Variants in CEL observed in about 807,000 individuals in gnomAD.
CEL encodes the protein bile salt-activated lipase.
A neutral mutation model predicts 57.1 loss-of-function variants in CEL; 39 were observed. The ratio of observed to expected loss-of-function variants is 0.68; its 90% CI spans 0.53 to 0.89. The LOEUF (loss-of-function observed/expected upper bound fraction) is 0.89. Among genes scored for constraint, CEL ranks in the 40% least tolerant of loss-of-function variants. The pLI is 0.00. For missense variants in CEL, 698 were observed against 915.0 expected (o/e 0.76, Z 3.06); for synonymous variants, 314 against 396.6 (o/e 0.79, Z 2.48).
intron 7 of CEL, among the ~76,000 whole-genome samples, chr9:133,068,332 C>G (rs1830212820): frequency 6.6e-6 from 1 of 152,094 alleles, no homozygotes; most frequent in Non-Finnish European, 1.5e-5. Flanking sequence ...TCAGGCCCAG[C>G]AAAGAGAGAG....
chr9:133,066,658 C>T lies in CEL; in HGVS notation c.667C>T (p.Gln223Ter). The change falls in exon 5 of 11, where the codon CAG becomes TAG. Residue 223 changes from glutamine (Q) to a stop codon, truncating the protein, a stop_gained and splice_region_variant. Transcript: ENST00000372080. LOFTEE classifies it high-confidence loss of function. The surrounding 1 kb of genome is among the most constrained non-coding windows in gnomAD (Gnocchi z 4.3). ...ESAGGASVSL[Q>*]TLSPYNKGLI... ...TGCTGGAGGTGCCAGCGTCTCTCTG[C>T]AGGTCTCGGGATCCCTGTGGGGAGG... is the stretch of plus-strand genomic sequence containing the variant. The T allele has an allele frequency of 6.2e-7, 1 of 1,613,184 alleles. No individual in the cohort carries two copies. The highest frequency in any genetic ancestry group is 8.5e-7 in the Non-Finnish European group (1 of 1,179,632).
Position 133,071,853 on chromosome 9 carries a change from A to G in CEL, c.*89A>G. 3 of 1,231,100 alleles carry G rather than the reference A, an allele frequency of 2.4e-6. No homozygotes were observed. In the South Asian group the frequency reaches 3.7e-5, roughly 15 times the overall value. The allele number at this position is 1,231,100 out of a possible 1,614,324, so 76.3% of individuals were successfully genotyped here. ...TTGAGCTCTTCCTGAATAAAGCCTC[A>G]TACCCCTGTCGGTGTCTTTCTTTGC... is the stretch of plus-strand genomic sequence containing the variant. On this transcript the variant is annotated 3_prime_UTR_variant, in exon 11 of 11. Coordinates refer to ENST00000372080, the MANE Select transcript of CEL (RefSeq NM_001807.6).
At position 133,067,166 on chromosome 9, in the gene CEL, C is replaced by A; in HGVS notation, c.856C>A (p.Leu286Met). 1 of 1,614,040 alleles carries A rather than the reference C, an allele frequency of 6.2e-7. No individual in the cohort carries two copies. Among genetic ancestry groups the A allele is most frequent in the Non-Finnish European group, 8.5e-7 (1 of 1,179,974 alleles). Residue 286 changes from leucine to methionine, a missense_variant, in exon 7 of 11, where the codon CTG becomes ATG. Physicochemically the swap from Leu to Met is conservative, Grantham distance 15. Transcript: ENST00000372080. ...QCLKVTDPRA[L>M]TLAYKVPLAG... ...TCTGAAGGTTACTGATCCCCGAGCC[C>A]TGACGCTGGCCTATAAGGTGCCGCT...
At position 133,066,388 on chromosome 9, in the gene CEL, G is replaced by A. The variant is rs1258230024; in HGVS notation, c.539-142G>A. On this transcript the variant is annotated intron_variant, in intron 4 of 10. Transcript: ENST00000372080. This position sits in a 1 kb window ranked among gnomAD's most constrained non-coding sequence, Gnocchi z 4.3. ...ACCCTACCCGACCCAGCTTCTTAGGGACCCACCATTTGCCAACTGGGGCTC... is the reference window on the plus strand; with the variant it reads ...ACCCTACCCGACCCAGCTTCTTAGGAACCCACCATTTGCCAACTGGGGCTC... 5 of 995,730 alleles carry A rather than the reference G, an allele frequency of 5.0e-6. No homozygotes were observed. The highest frequency in any genetic ancestry group is 1.6e-5 in the African/African-American group (1 of 62,484). 61.7% of individuals were successfully genotyped at this position (995,730 alleles called of 1,614,324 possible). A position where few individuals can be genotyped will look rare whatever the true frequency, so the allele number is the denominator to read the frequency against.
chr9:133,070,641 C>A lies in CEL; in HGVS notation c.1467C>A (p.Thr489=), dbSNP rs371093055. ...TVSKAMIAYW[T]NFAKTGDPNM... ...CTAAGGCCATGATCGCCTACTGGAC[C>A]AACTTTGCCAAAACAGGGTAAGACG... The change falls in exon 10 of 11, where the codon ACC becomes ACA. Residue 489 remains threonine, a synonymous_variant. Transcript: ENST00000372080. 1.9e-5 allele frequency: 30 copies of A among 1,614,198 alleles called. No homozygotes were observed. The highest frequency in any genetic ancestry group is 1.6e-4 in the East Asian group (7 of 44,878).
At position 133,064,748 on chromosome 9, in the gene CEL, A is replaced by G. The variant is rs762653902; in HGVS notation, c.326A>G (p.Gln109Arg). The G allele has an allele frequency of 6.2e-7, 1 of 1,614,058 alleles. No homozygotes were observed. Among genetic ancestry groups the G allele is most frequent in the South Asian group, 1.1e-5 (1 of 91,088 alleles). Residue 109 changes from glutamine to arginine, a missense_variant, in exon 3 of 11, where the codon CAG becomes CGG. By Grantham distance (43) the Gln-to-Arg change is conservative. This residue lies in a region of CEL where 327 missense variants were observed against 374.1 expected (regional missense o/e 0.87). Coordinates refer to ENST00000372080, the MANE Select transcript of CEL (RefSeq NM_001807.6). ...CTGTACCTCAACATTTGGGTGCCCCAGGGCAGGAAGCAAGGTCTGCCTCCC... is the reference window on the plus strand; with the variant it reads ...CTGTACCTCAACATTTGGGTGCCCCGGGGCAGGAAGCAAGGTCTGCCTCCC... The part of the protein sequence containing the change: ...DCLYLNIWVP[Q>R]GRKQVSRDLP...
Position 133,066,974 on chromosome 9 carries a change from G to C in CEL, c.777+29G>C. The C allele has an allele frequency of 1.3e-6, 2 of 1,551,082 alleles. No homozygotes were observed. Among genetic ancestry groups the C allele is most frequent in the Non-Finnish European group, 1.8e-6 (2 of 1,122,904 alleles). ...AACGGAGGAGGGCAGGGCTGGGCGG[G>C]GTGGGGGCTGTCCACATTTCCGTTC... is the stretch of plus-strand genomic sequence containing the variant. On this transcript the variant is annotated intron_variant, in intron 6 of 10. Coordinates refer to ENST00000372080, the MANE Select transcript of CEL (RefSeq NM_001807.6). This position sits in a 1 kb window ranked among gnomAD's most constrained non-coding sequence, Gnocchi z 4.3.
Position 133,069,118 on chromosome 9 carries a change from C to CATCAAAGGTCGTCTT in CEL, c.1145_1146insATCAAAGGTCGTCTT (p.Thr382_Thr383insSerLysValValLeu). 1 of 1,216,536 alleles carries CATCAAAGGTCGTCTT rather than the reference C, an allele frequency of 8.2e-7. No individual in the cohort carries two copies. The highest frequency in any genetic ancestry group is 1.2e-6 in the Non-Finnish European group (1 of 842,536). The allele number at this position is 1,216,536 out of a possible 1,614,324, so 75.4% of individuals were successfully genotyped here. A position where few individuals can be genotyped will look rare whatever the true frequency, so the allele number is the denominator to read the frequency against. ...ACCAAGGGGCTCAGAGGCGCCAAGA[C>CATCAAAGGTCGTCTT]GACCTTTGATGTCTACACCGAGTCC... On this transcript the variant is annotated inframe_insertion, in exon 9 of 11. Coordinates refer to ENST00000372080, the MANE Select transcript of CEL (RefSeq NM_001807.6).
At chr9:133,065,750 G>T (rs1333449128) in intron 4 of CEL, among the ~76,000 whole-genome samples, 1 of 151,496 alleles carries the variant, frequency 6.6e-6, no homozygotes, top group Admixed American at 6.6e-5. Context: ...GGAGGCTGAG[G>T]CAGGAGAATC....
In CEL at chr9:133,070,966, C is replaced by T. The variant is rs767152485; in HGVS notation, c.1485-21C>T. On this transcript the variant is annotated intron_variant, in intron 10 of 10. Coordinates refer to ENST00000372080, the MANE Select transcript of CEL (RefSeq NM_001807.6). Reference sequence around the variant, plus strand: ...CCCCTGGGAGTCCCCAGCCCCTGCACAGCCTCTTCTCACTCTGCAGGGACC... The same window carrying T: ...CCCCTGGGAGTCCCCAGCCCCTGCATAGCCTCTTCTCACTCTGCAGGGACC... 4.3e-6 allele frequency: 7 copies of T among 1,612,584 alleles called. No individual in the cohort carries two copies. In the South Asian group the frequency reaches 6.6e-5, roughly 15 times the overall value.
At position 133,066,987 on chromosome 9, in the gene CEL, C is replaced by T. The variant is rs1224823479; in HGVS notation, c.777+42C>T. The T allele has an allele frequency of 6.2e-7, 1 of 1,601,750 alleles. No homozygotes were observed. The highest frequency in any genetic ancestry group is 8.6e-7 in the Non-Finnish European group (1 of 1,168,976). On this transcript the variant is annotated intron_variant, in intron 6 of 10. Coordinates refer to ENST00000372080, the MANE Select transcript of CEL (RefSeq NM_001807.6). The surrounding 1 kb of genome is among the most constrained non-coding windows in gnomAD (Gnocchi z 4.3). ...AGGGCTGGGCGGGGTGGGGGCTGTC[C>T]ACATTTCCGTTCTTTATCCTGGACC...
chr9:133,065,224 C>T lies in CEL; in HGVS notation c.525C>T (p.Asp175=), dbSNP rs781550896. ...CCCTTGGGTTCCTCAGCACTGGGGA[C>T]GCCAATCTGCCAGGTGCGTGGGTGC... is the stretch of plus-strand genomic sequence containing the variant. ...VGPLGFLSTG[D]ANLPGNYGLR... The change falls in exon 4 of 11, where the codon GAC becomes GAT. Residue 175 remains aspartate, a synonymous_variant. Transcript: ENST00000372080. The T allele has an allele frequency of 1.1e-5, 17 of 1,613,042 alleles. No homozygotes were observed. Among genetic ancestry groups the T allele is most frequent in the African/African-American group, 5.3e-5 (4 of 74,926 alleles).
rs777569952 is a variant in CEL at position 133,071,238 on chromosome 9, C to T, written c.1736C>T (p.Thr579Ile). 6.3e-7 allele frequency: 1 copy of T among 1,585,618 alleles called. No homozygotes were observed. The highest frequency in any genetic ancestry group is 1.2e-5 in the South Asian group (1 of 86,618). The change falls in exon 11 of 11, where the codon ACC becomes ATC. Residue 579 changes from threonine to isoleucine, a missense_variant. Thr to Ile is a moderately conservative substitution (Grantham distance 89). Coordinates refer to ENST00000372080, the MANE Select transcript of CEL (RefSeq NM_001807.6). Reference protein sequence around the residue: ...TPVPPTGDSETAPVPPTGDSG... With the variant: ...TPVPPTGDSEIAPVPPTGDSG... The stretch of plus-strand genomic sequence containing the variant: ...GTGCCCCCCACGGGTGACTCCGAGA[C>T]CGCCCCCGTGCCGCCCACGGGTGAC...
At position 133,070,950 on chromosome 9, in the gene CEL, G is replaced by A. The variant is rs1346859438; in HGVS notation, c.1485-37G>A. 7 of 1,609,512 alleles carry A rather than the reference G, an allele frequency of 4.3e-6. 1 individual carries two copies. The East Asian group carries it at 1.3e-4, about 31-fold the overall frequency. The stretch of plus-strand genomic sequence containing the variant: ...AGAGCAGGGCTTCAGCCCCCTGGGA[G>A]TCCCCAGCCCCTGCACAGCCTCTTC... On this transcript the variant is annotated intron_variant, in intron 10 of 10. Coordinates refer to ENST00000372080, the MANE Select transcript of CEL (RefSeq NM_001807.6).
In CEL at chr9:133,071,492, G is replaced by A. The variant is rs1489599787; in HGVS notation, c.1990G>A (p.Asp664Asn). The change falls in exon 11 of 11, where the codon GAC (aspartate) becomes AAC (asparagine). Residue 664 changes from aspartate (D) to asparagine (N), a missense_variant. Physicochemically the swap from Asp to Asn is conservative, Grantham distance 23 (BLOSUM62 1). Transcript: ENST00000372080. ...SGAPPVPPTG[D>N]SGAPPVPPTG... ...GGCCCCCCCCGTGCCGCCCACGGGTGACTCCGGCGCCCCCCCCGTGCCGCC... is the reference window on the plus strand; with the variant it reads ...GGCCCCCCCCGTGCCGCCCACGGGTAACTCCGGCGCCCCCCCCGTGCCGCC... The A allele has an allele frequency of 1.0e-5, 6 of 599,344 alleles. No individual in the cohort carries two copies. Among genetic ancestry groups the A allele is most frequent in the South Asian group, 9.0e-5 (3 of 33,452 alleles). The allele number at this position is 599,344 out of a possible 1,614,324, so 37.1% of individuals were successfully genotyped here. A position where few individuals can be genotyped will look rare whatever the true frequency, so the allele number is the denominator to read the frequency against.
In CEL at chr9:133,064,272, C is replaced by G. The variant is rs1830137985; in HGVS notation, c.67-132C>G. 3 of 1,206,658 alleles carry G rather than the reference C, an allele frequency of 2.5e-6. No individual in the cohort carries two copies. The South Asian group carries it at 3.9e-5, about 16-fold the overall frequency. 74.7% of individuals were successfully genotyped at this position (1,206,658 alleles called of 1,614,324 possible). On this transcript the variant is annotated intron_variant, in intron 1 of 10. Transcript: ENST00000372080. ...GCAGGGCAGGGGGTGCTGCCTGGGT[C>G]TCCTGTGCAGAGCTGTCCTGCTTTG...
chr9:133,065,692 C>T (rs1418497542), intron 4 of CEL, among the ~76,000 whole-genome samples: 9 of 151,934 alleles, frequency 5.9e-5, no homozygotes, highest in Admixed American at 1.3e-4. Flanking sequence ...ACTAAAAATA[C>T]AAAATTAGCC....
rs1323932270 is a variant in CEL, at chr9:133,065,248, G to A, written c.538+11G>A. 4 of 1,611,716 alleles carry A rather than the reference G, an allele frequency of 2.5e-6. No homozygotes were observed. Among genetic ancestry groups the A allele is most frequent in the Admixed American group, 1.7e-5 (1 of 60,030 alleles). ...ACGCCAATCTGCCAGGTGCGTGGGT[G>A]CCTTCGGCCCTGAGGTGGGGCGACC... is the stretch of plus-strand genomic sequence containing the variant. On this transcript the variant is annotated intron_variant, in intron 4 of 10. Coordinates refer to ENST00000372080, the MANE Select transcript of CEL (RefSeq NM_001807.6).
In CEL at chr9:133,064,411, C is replaced by T; in HGVS notation, c.74C>T (p.Ala25Val). 1 of 1,614,022 alleles carries T rather than the reference C, an allele frequency of 6.2e-7. No individual in the cohort carries two copies. The highest frequency in any genetic ancestry group is 8.5e-7 in the Non-Finnish European group (1 of 1,180,022). ...WAVASAAKLG[A>V]VYTEGGFVEG... ...CCCGTGTCTCCCTCGCAGCTGGGCG[C>T]CGTGTACACAGAAGGTGGGTTCGTG... Residue 25 changes from alanine (A) to valine (V), a missense_variant, in exon 2 of 11, where the codon GCC becomes GTC. Ala to Val is a moderately conservative substitution (Grantham distance 64). Coordinates refer to ENST00000372080, the MANE Select transcript of CEL (RefSeq NM_001807.6).
Sources: gnomAD v4.1 joint callset for allele counts (sites outside exome capture counted in the v4.1 genomes callset) on GRCh38, gnomAD v4.1.1 for gene constraint, gnomAD v4.1.1 regional missense constraint, Gnocchi (gnomAD v3.1) non-coding constraint, MANE v1.5 for transcripts, NCBI Gene and HGNC (gene_info 2026-07-23, HGNC 2026-07-21) for gene names.